The following ADNP2 variants were observed in gnomAD, a reference collection of about 807,000 sequenced individuals.
ADNP2 encodes the protein activity-dependent neuroprotector homeobox protein 2.
A neutral mutation model predicts 16.4 loss-of-function variants in ADNP2; 8 were observed. That is an observed-to-expected ratio of 0.49 (90% CI 0.29 to 0.88). The LOEUF is 0.88. Ranked by LOEUF, ADNP2 falls within the 40% of genes least tolerant of loss-of-function variation. The probability of loss-of-function intolerance (pLI) is 0.09; values close to 1 mark genes in which losing one functional copy is unlikely to be tolerated. For missense variants in ADNP2, 1,397 were observed against 1,395.1 expected, an observed-to-expected ratio of 1.00 and a Z score of -0.02; for synonymous variants, 637 against 545.8, an observed-to-expected ratio of 1.17 and a Z score of -2.33.
intron 2 of ADNP2, among the ~76,000 whole-genome samples, chr18:80,119,146 A>T (rs2052408048): frequency 6.6e-6 from 1 of 152,172 alleles, no homozygotes; most frequent in South Asian, 2.1e-4. Flanking sequence ...CTACTGCACC[A>T]GCTGTTGTTT....
chr18:80,116,051 C>A (rs1025256201), intron 1 of ADNP2, among the ~76,000 whole-genome samples: 7 of 152,196 alleles, frequency 4.6e-5, no homozygotes, highest in Non-Finnish European at 4.4e-5. Flanking sequence ...AGGTGTGAGC[C>A]ACTGCACTCG....
intron 3 of ADNP2, among the ~76,000 whole-genome samples, chr18:80,134,418 T>TGTAA (rs143942110): frequency 7.3e-6 from 1 of 136,448 alleles, no homozygotes; most frequent in Non-Finnish European, 1.6e-5. Context: ...TGTGTGTGTG[T>TGTAA]GAGAGAGAGT....
chr18:80,137,119 A>G lies in ADNP2; in HGVS notation c.1706A>G (p.Gln569Arg), dbSNP rs1251556671. 1 of 1,614,186 alleles carries G rather than the reference A, an allele frequency of 6.2e-7. No individual in the cohort carries two copies. Among genetic ancestry groups the G allele is most frequent in the Non-Finnish European group, 8.5e-7 (1 of 1,180,042 alleles). The part of the protein sequence containing the change: ...PVRPGVLQLN[Q>R]TVGTNILPVN... ...AGGCCTGGGGTCTTGCAACTCAACC[A>G]GACTGTGGGCACCAACATTCTGCCT... Residue 569 changes from glutamine to arginine, a missense_variant, in exon 4 of 4, where the codon CAG becomes CGG. By Grantham distance (43) the Gln-to-Arg change is conservative. Transcript: ENST00000262198. This position sits in a 1 kb window ranked among gnomAD's most constrained non-coding sequence, Gnocchi z 4.2.
intron 2 of ADNP2, among the ~76,000 whole-genome samples, chr18:80,121,555 A>G (rs979837855): frequency 6.6e-6 from 1 of 152,002 alleles, no homozygotes; most frequent in Non-Finnish European, 1.5e-5. Flanking sequence ...CAATTTATCT[A>G]TTTTTTCTAT....
chr18:80,116,925 G>A (rs913791214), intron 1 of ADNP2, among the ~76,000 whole-genome samples: 3 of 152,332 alleles, frequency 2.0e-5, no homozygotes, highest in South Asian at 2.1e-4. Context: ...AATTACAGGC[G>A]TGAGCCACTG....
chr18:80,111,670 G>A (rs748926365), intron 1 of ADNP2, among the ~76,000 whole-genome samples: 14 of 150,474 alleles, frequency 9.3e-5, no homozygotes, highest in Non-Finnish European at 4.4e-5. Context: ...GGGTTCAAGC[G>A]ATTCTCCTGC....
chr18:80,121,782 T>A (rs766427864), intron 2 of ADNP2, among the ~76,000 whole-genome samples: 1 of 152,246 alleles, frequency 6.6e-6, no homozygotes, highest in Non-Finnish European at 1.5e-5. Flanking sequence ...CACCGTTTCT[T>A]CTAGAGACTG....
Position 80,133,149 on chromosome 18 carries a change from C to T in ADNP2, c.155C>T (p.Ser52Leu), listed in dbSNP as rs2052509354. 4 of 1,613,544 alleles carry T rather than the reference C, an allele frequency of 2.5e-6. No homozygotes were observed. The highest frequency in any genetic ancestry group is 1.7e-5 in the Admixed American group (1 of 59,962). Residue 52 changes from serine to leucine, a missense_variant, in exon 3 of 4, where the codon TCA becomes TTA. Physicochemically the swap from Ser to Leu is moderately radical, Grantham distance 145 (BLOSUM62 -2). Coordinates refer to ENST00000262198, the MANE Select transcript of ADNP2 (RefSeq NM_014913.4). ...DPGEKYFHNTSWGDVSLWEPS... is the reference protein window; with the variant it reads ...DPGEKYFHNTLWGDVSLWEPS... Reference sequence around the variant, plus strand: ...GGAGAGAAATACTTTCATAACACATCATGGGGTGATGTTTCTCTCTGGGAA... The same window carrying T: ...GGAGAGAAATACTTTCATAACACATTATGGGGTGATGTTTCTCTCTGGGAA...
chr18:80,126,361 C>T (rs1053533786), intron 2 of ADNP2, among the ~76,000 whole-genome samples: 2 of 152,070 alleles, frequency 1.3e-5, no homozygotes, highest in Non-Finnish European at 2.9e-5. Context: ...ATCTACATGT[C>T]ATTGATGATA....
rs770122768 is a variant in ADNP2 at position 80,138,182 on chromosome 18, G to T, written c.2769G>T (p.Thr923=). The change falls in exon 4 of 4, where the codon ACG becomes ACT. Residue 923 remains threonine (T), a synonymous_variant. Coordinates refer to ENST00000262198, the MANE Select transcript of ADNP2 (RefSeq NM_014913.4). Reference sequence around the variant, plus strand: ...GCATCCACTGCTGTGGGGTCTACACGGGAAATATGACCCTGGCTGCCATCG... The same window carrying T: ...GCATCCACTGCTGTGGGGTCTACACTGGAAATATGACCCTGGCTGCCATCG... ...FKCIHCCGVY[T]GNMTLAAIAV... 1 of 1,614,124 alleles carries T rather than the reference G, an allele frequency of 6.2e-7. No individual in the cohort carries two copies. Among genetic ancestry groups the T allele is most frequent in the Non-Finnish European group, 8.5e-7 (1 of 1,180,038 alleles).
At chr18:80,132,498 G>A (rs551954153) in intron 2 of ADNP2, among the ~76,000 whole-genome samples, 121 of 152,286 alleles carry the variant, frequency 7.9e-4, no homozygotes, top group African/African-American at 2.8e-3. Context: ...TATGGATACC[G>A]AGGGATGACT....
Position 80,137,237 on chromosome 18 carries a change from A to G in ADNP2, c.1824A>G (p.Gln608=). Reference sequence around the variant, plus strand: ...GACAGCTCATCCCTACAGGGAAACAAGTGAATGGGATTCCAACCTACACGC... The same window carrying G: ...GACAGCTCATCCCTACAGGGAAACAGGTGAATGGGATTCCAACCTACACGC... The part of the protein sequence containing the change: ...ILRQLIPTGK[Q]VNGIPTYTLA... Residue 608 remains glutamine, a synonymous_variant, in exon 4 of 4, where the codon CAA becomes CAG. Transcript: ENST00000262198. The surrounding 1 kb of genome is among the most constrained non-coding windows in gnomAD (Gnocchi z 4.2). 1 of 1,614,216 alleles carries G rather than the reference A, an allele frequency of 6.2e-7. No individual in the cohort carries two copies. Among genetic ancestry groups the G allele is most frequent in the South Asian group, 1.1e-5 (1 of 91,084 alleles).
intron 1 of ADNP2, among the ~76,000 whole-genome samples, chr18:80,113,241 T>C (rs1468679014): frequency 1.3e-5 from 2 of 152,254 alleles, no homozygotes; most frequent in African/African-American, 4.8e-5. Flanking sequence ...CTCCCAGTTC[T>C]ACAATGCTAA....
Position 80,138,791 on chromosome 18 carries a change from C to T in ADNP2, c.3378C>T (p.Asn1126=), listed in dbSNP as rs1257366013. The part of the protein sequence containing the change: ...SELKNVKHRL[N]FEYEP ...TTAAAAATGTGAAACATAGATTGAACTTTGAATATGAACCATAAAACTTGC... is the reference window on the plus strand; with the variant it reads ...TTAAAAATGTGAAACATAGATTGAATTTTGAATATGAACCATAAAACTTGC... The change falls in exon 4 of 4, where the codon AAC becomes AAT. Residue 1126 remains asparagine, a synonymous_variant. Coordinates refer to ENST00000262198, the MANE Select transcript of ADNP2 (RefSeq NM_014913.4). 1.5e-5 allele frequency: 22 copies of T among 1,512,402 alleles called. No individual in the cohort carries two copies. The highest frequency in any genetic ancestry group is 2.2e-4 in the Middle Eastern group (1 of 4,488). 93.7% of individuals were successfully genotyped at this position (1,512,402 alleles called of 1,614,324 possible). A position where few individuals can be genotyped will look rare whatever the true frequency, so the allele number is the denominator to read the frequency against.
At position 80,138,047 on chromosome 18, in the gene ADNP2, C is replaced by CT; in HGVS notation, c.2638dup (p.Cys880LeufsTer9). ...CCGGCAAGCGAGTGTCCACCTGCCC[C>CT]TTTTGCTTTGGCCCCTTTGTGACAA... On this transcript the variant is annotated frameshift_variant, in exon 4 of 4. Coordinates refer to ENST00000262198, the MANE Select transcript of ADNP2 (RefSeq NM_014913.4). LOFTEE classifies it low-confidence loss of function (END_TRUNC). 6.2e-7 allele frequency: 1 copy of CT among 1,613,864 alleles called. No individual in the cohort carries two copies. Among genetic ancestry groups the CT allele is most frequent in the Non-Finnish European group, 8.5e-7 (1 of 1,180,036 alleles).
rs1402510060 is a variant in ADNP2 at position 80,136,320 on chromosome 18, C to A, written c.907C>A (p.Pro303Thr). ...TGCTTTGCCACAGAACAGTCCAAGC[C>A]CAGCCGCAGGACAGCCAGTGACTGT... is the stretch of plus-strand genomic sequence containing the variant. ...HLALPQNSPSPAAGQPVTVAQ... is the reference protein window; with the variant it reads ...HLALPQNSPSTAAGQPVTVAQ... The change falls in exon 4 of 4, where the codon CCA (proline) becomes ACA (threonine). Residue 303 changes from proline (P) to threonine (T), a missense_variant. Physicochemically the swap from Pro to Thr is conservative, Grantham distance 38. Coordinates refer to ENST00000262198, the MANE Select transcript of ADNP2 (RefSeq NM_014913.4). 4 of 1,614,112 alleles carry A rather than the reference C, an allele frequency of 2.5e-6. No individual in the cohort carries two copies. The highest frequency in any genetic ancestry group is 1.1e-5 in the South Asian group (1 of 91,084).
intron 1 of ADNP2, among the ~76,000 whole-genome samples, chr18:80,111,801 T>C (rs2052359198): frequency 6.6e-6 from 1 of 152,134 alleles, no homozygotes; most frequent in South Asian, 2.1e-4. Flanking sequence ...CGCCTTAGCC[T>C]TCCAAAGTGC....
intron 1 of ADNP2, 56 bp from the exon 2 acceptor site, chr18:80,117,474 A>G: frequency 9.3e-7 from 1 of 1,075,862 alleles, no homozygotes; most frequent in Non-Finnish European, 1.3e-6. Flanking sequence ...CAAAAAATGT[A>G]TTTTTGTGTA....
intron 2 of ADNP2, among the ~76,000 whole-genome samples, chr18:80,120,468 A>G (rs557621505): frequency 6.6e-6 from 1 of 151,446 alleles, no homozygotes; most frequent in Admixed American, 6.6e-5. Flanking sequence ...AGTAGCTGGC[A>G]CTATAGGTGC....
Sources: allele counts gnomAD v4.1 joint callset (sites outside exome capture counted in the v4.1 genomes callset), GRCh38; gene constraint gnomAD v4.1.1; non-coding constraint Gnocchi (gnomAD v3.1); transcripts MANE v1.5; gene names NCBI Gene and HGNC (gene_info 2026-07-23, HGNC 2026-07-21).